The following ABCC11 variants were observed in gnomAD, a reference collection of about 807,000 sequenced individuals.
ABCC11 encodes ATP-binding cassette sub-family C member 11.
ABCC11 carries 135 observed loss-of-function variants against 149.3 expected under a neutral mutation model. The observed-to-expected ratio is 0.90, with a 90% confidence interval of 0.79 to 1.04. ABCC11 has a LOEUF of 1.04. Among genes scored for constraint, ABCC11 ranks in the 50% least tolerant of loss-of-function variants. The pLI, the probability that ABCC11 is intolerant of heterozygous loss-of-function variation, is 0.00. For synonymous variants in ABCC11, 665 were observed against 671.4 expected (o/e 0.99, Z 0.15); for missense variants, 1,680 against 1,722.1 (o/e 0.98, Z 0.43).
intron 10 of ABCC11, among the ~76,000 whole-genome samples, chr16:48,212,207 G>A (rs1205386119): frequency 6.6e-6 from 1 of 152,076 alleles, no homozygotes; most frequent in Non-Finnish European, 1.5e-5. Flanking sequence ...CAGCCTCAGG[G>A]CTTTCACACT....
intron 9 of ABCC11, among the ~76,000 whole-genome samples, chr16:48,214,178 C>G (rs1969149806): frequency 6.6e-6 from 1 of 152,048 alleles, no homozygotes; most frequent in East Asian, 1.9e-4. Context: ...AGCAGGAATG[C>G]CTTCGTCTAG....
intron 5 of ABCC11, among the ~76,000 whole-genome samples, chr16:48,223,217 G>C (rs1969863007): frequency 6.6e-6 from 1 of 152,270 alleles, no homozygotes; most frequent in Non-Finnish European, 1.5e-5. Flanking sequence ...TAAGGGGCAA[G>C]AGCAGGAAGA....
At chr16:48,243,571 G>T (rs1040952900) in intron 1 of ABCC11, among the ~76,000 whole-genome samples, 6 of 151,486 alleles carry the variant, frequency 4.0e-5, no homozygotes, top group African/African-American at 1.5e-4. Flanking sequence ...TTTGGGTAAG[G>T]CCTATAGGTT....
intron 5 of ABCC11, 41 bp downstream of exon 5, chr16:48,224,241 A>G: frequency 6.3e-7 from 1 of 1,598,210 alleles, no homozygotes; most frequent in Non-Finnish European, 8.5e-7. Context: ...TAAACCTCTG[A>G]AGCCTAGAGT....
chr16:48,230,663 G>A, intron 2 of ABCC11, 90 bp from the exon 3 acceptor site: 1 of 1,319,372 alleles, frequency 7.6e-7, no homozygotes, highest in Non-Finnish European at 1.0e-6. Flanking sequence ...TGGAGAAATG[G>A]ATTTTTCCAT....
In ABCC11 at chr16:48,167,422, T is replaced by C. The variant is rs761338624; in HGVS notation, c.4057-56A>G. 9.1e-5 allele frequency: 145 copies of C among 1,589,220 alleles called. 1 individual carries two copies. The highest frequency in any genetic ancestry group is 6.7e-4 in the Admixed American group (40 of 59,948). On this transcript the variant is annotated intron_variant, in intron 29 of 29. Coordinates refer to ENST00000356608, the MANE Select transcript of ABCC11 (RefSeq NM_001370497.1). Reference sequence around the variant, plus strand: ...CAGGGCACAGCTGAGCTTGTGTCCTTGGAGGACTCAAAGGCATCTGGGGTA... The same window carrying C: ...CAGGGCACAGCTGAGCTTGTGTCCTCGGAGGACTCAAAGGCATCTGGGGTA...
intron 23 of ABCC11, among the ~76,000 whole-genome samples, chr16:48,178,899 C>T (rs1312533408): frequency 6.6e-6 from 1 of 152,176 alleles, no homozygotes; most frequent in Non-Finnish European, 1.5e-5. Context: ...GGGGGAGAAC[C>T]TCCCCAGACA....
intron 10 of ABCC11, among the ~76,000 whole-genome samples, chr16:48,213,072 G>T (rs1969057639): frequency 2.0e-5 from 3 of 152,204 alleles, no homozygotes. Context: ...TCATTCAAGA[G>T]AATTCAAAAA....
intron 11 of ABCC11, 114 bp downstream of exon 11, chr16:48,210,834 T>G: frequency 7.1e-7 from 1 of 1,401,214 alleles, no homozygotes; most frequent in Non-Finnish European, 9.6e-7. Flanking sequence ...AGGGGAGAGA[T>G]CTTGGAGAGG....
intron 1 of ABCC11, among the ~76,000 whole-genome samples, chr16:48,245,760 A>T (rs941925513): frequency 6.6e-6 from 1 of 152,120 alleles, no homozygotes; most frequent in Non-Finnish European, 1.5e-5. Context: ...AAATGTTAAG[A>T]TTTCTGCTGT....
intron 6 of ABCC11, among the ~76,000 whole-genome samples, chr16:48,218,262 C>A (rs1275906064): frequency 6.6e-6 from 1 of 152,182 alleles, no homozygotes; most frequent in Admixed American, 6.5e-5. Flanking sequence ...CACCACTGCA[C>A]TCCAGCCTGG....
chr16:48,174,682 G>A (rs1028013018), intron 26 of ABCC11, among the ~76,000 whole-genome samples: 9 of 151,010 alleles, frequency 6.0e-5, no homozygotes, highest in African/African-American at 2.2e-4. Flanking sequence ...GTCCCCAGGG[G>A]CTTTGCCCAG....
intron 21 of ABCC11, 25 bp from the exon 22 acceptor site, chr16:48,187,115 A>G (rs1355119222): frequency 1.2e-6 from 2 of 1,614,070 alleles, no homozygotes; most frequent in African/African-American, 1.3e-5. Context: ...GAGGTAAGGG[A>G]CCTGGACCGT....
At position 48,200,382 on chromosome 16, in the gene ABCC11, T is replaced by C. The variant is rs1264035211; in HGVS notation, c.1976A>G (p.Asp659Gly). ...GTGGGCGTCCACAGCAGACAGGGGGTCGTCCAGCAGGTAGATCTGACGGTC... is the reference window on the plus strand; with the variant it reads ...GTGGGCGTCCACAGCAGACAGGGGGCCGTCCAGCAGGTAGATCTGACGGTC... ...YSDRQIYLLD[D>G]PLSAVDAHVG... Residue 659 changes from aspartate (D) to glycine (G), a missense_variant, in exon 15 of 30, where the codon GAC (aspartate) becomes GGC (glycine). By Grantham distance (94) the Asp-to-Gly change is moderately conservative. Transcript: ENST00000356608. The C allele has an allele frequency of 6.2e-7, 1 of 1,613,924 alleles. No homozygotes were observed. Among genetic ancestry groups the C allele is most frequent in the Admixed American group, 1.7e-5 (1 of 59,982 alleles).
chr16:48,208,447 A>G lies in ABCC11; in HGVS notation c.1658T>C (p.Leu553Pro), dbSNP rs747456949. Residue 553 changes from leucine to proline, a missense_variant, in exon 12 of 30, where the codon CTG becomes CCG. By Grantham distance (98) the Leu-to-Pro change is moderately conservative. Coordinates refer to ENST00000356608, the MANE Select transcript of ABCC11 (RefSeq NM_001370497.1). ...TACCTCCTCCAGGATGGCTGACAAC[A>G]GGCTGCTCTTACCACTCCCCGTGTT... ...CGNTGSGKSS[L>P]LSAILEEMHL... 1 of 1,614,152 alleles carries G rather than the reference A, an allele frequency of 6.2e-7. No individual in the cohort carries two copies. Among genetic ancestry groups the G allele is most frequent in the Non-Finnish European group, 8.5e-7 (1 of 1,180,006 alleles).
chr16:48,178,455 G>A, intron 24 of ABCC11, 142 bp downstream of exon 24: 2 of 709,848 alleles, frequency 2.8e-6, no homozygotes, highest in East Asian at 2.7e-5. Context: ...AAAAGTCTGG[G>A]GAAGACAGGG....
At chr16:48,200,603 G>T in intron 14 of ABCC11, 124 bp from the exon 15 acceptor site, 1 of 962,522 alleles carries the variant, frequency 1.0e-6, no homozygotes, top group Non-Finnish European at 1.5e-6. Context: ...ACACACTCCA[G>T]GATACCTGAT....
intron 1 of ABCC11, among the ~76,000 whole-genome samples, chr16:48,234,808 G>C (rs13336542): frequency 0.13 from 19,904 of 152,104 alleles, 1,621 homozygotes; most frequent in African/African-American, 0.23. Flanking sequence ...GCCAAAAAAG[G>C]ATTACTGTGC....
chr16:48,187,512 C>G, intron 20 of ABCC11, 85 bp from the exon 21 acceptor site: 1 of 1,203,468 alleles, frequency 8.3e-7, no homozygotes, highest in Non-Finnish European at 1.2e-6. Flanking sequence ...ACCCTTGACT[C>G]TAAAGAGCCA....
Sources: allele counts gnomAD v4.1 joint callset (sites outside exome capture counted in the v4.1 genomes callset), GRCh38; gene constraint gnomAD v4.1.1; transcripts MANE v1.5; gene names NCBI Gene and HGNC (gene_info 2026-07-23, HGNC 2026-07-21).